Variants in CLIC5 observed in about 807,000 individuals in gnomAD.
CLIC5 encodes CLIC family member 5, also known as chloride intracellular channel protein 5.
Under a neutral mutation model 24.7 loss-of-function variants are expected in CLIC5, and 20 were observed. That is an observed-to-expected ratio of 0.81 (90% CI 0.57 to 1.18). CLIC5 has a LOEUF of 1.18. CLIC5 is among the 50% of genes most tolerant of loss of function. CLIC5 has a pLI of 0.00. For synonymous variants in CLIC5, 159 were observed against 135.6 expected, an observed-to-expected ratio of 1.17 and a Z score of -1.20; for missense variants, 341 against 326.1, an observed-to-expected ratio of 1.05 and a Z score of -0.35.
At chr6:45,944,309 C>T (rs540729390) in intron 3 of CLIC5, among the ~76,000 whole-genome samples, 3 of 151,894 alleles carry the variant, frequency 2.0e-5, no homozygotes, top group Non-Finnish European at 4.4e-5. Flanking sequence ...ATTGAAACAG[C>T]AATGCCCATT....
At chr6:45,945,267 G>T (rs1198747674) in intron 3 of CLIC5, among the ~76,000 whole-genome samples, 1 of 152,156 alleles carries the variant, frequency 6.6e-6, no homozygotes, top group Non-Finnish European at 1.5e-5. Context: ...TATGGTTCTT[G>T]TTTTAAAGAT....
Position 46,079,983 on chromosome 6 carries a change from A to T in CLIC5, c.260T>A (p.Ile87Lys), listed in dbSNP as rs753331056. The change falls in exon 1 of 6, where the codon ATA (isoleucine) becomes AAA (lysine). Residue 87 changes from isoleucine to lysine, a missense_variant. By Grantham distance (102) the Ile-to-Lys change is moderately radical (BLOSUM62 -3). Transcript: ENST00000185206. ...ATGAGCCTCCTGGAGTTCAGAGTATATCTCATCAGGCAGGAGGTAGCCTCT... is the reference window on the plus strand; with the variant it reads ...ATGAGCCTCCTGGAGTTCAGAGTATTTCTCATCAGGCAGGAGGTAGCCTCT... The T allele has an allele frequency of 1.7e-4, 261 of 1,551,532 alleles. No homozygotes were observed. The highest frequency in any genetic ancestry group is 2.2e-4 in the Non-Finnish European group (253 of 1,146,998).
chr6:46,055,527 C>T (rs914123338), intron 1 of CLIC5, among the ~76,000 whole-genome samples: 16 of 152,334 alleles, frequency 1.1e-4, no homozygotes, highest in East Asian at 3.9e-4. Context: ...CGTGAGCCAC[C>T]GCGCCAGGCC....
chr6:45,971,513 T>C (rs1561974087), intron 1 of CLIC5, among the ~76,000 whole-genome samples: 1 of 152,224 alleles, frequency 6.6e-6, no homozygotes, highest in Non-Finnish European at 1.5e-5. Flanking sequence ...CTGCTATTGT[T>C]GGACTATGTT....
the CLIC5 span, among the ~76,000 whole-genome samples, chr6:46,120,724 GAGA>G: frequency 1.3e-5 from 2 of 152,306 alleles, no homozygotes; most frequent in South Asian, 4.1e-4. Flanking sequence ...AACCAATGCA[GAGA>G]AGTCCTTAAA....
upstream of CLIC5, among the ~76,000 whole-genome samples, chr6:46,082,799 A>G (rs1581929141): frequency 6.8e-6 from 1 of 147,332 alleles, no homozygotes; most frequent in Non-Finnish European, 1.5e-5. Context: ...CCCTTACCCT[A>G]CTTTCCCCCC....
rs199809331 is a variant in CLIC5 at position 45,914,360 on chromosome 6, C to G, written c.456G>C (p.Leu152=). ...CAATCTCCTCTGGTAGAGGGGTGTT[C>G]AGGTAGTCATCCAATTTCTTTAGAG... ...TKALKKLDDY[L]NTPLPEEIDA... The change falls in exon 5 of 6, where the codon CTG becomes CTC. Residue 152 remains leucine, a synonymous_variant. Transcript: ENST00000339561. The G allele has an allele frequency of 6.2e-7, 1 of 1,601,610 alleles. No homozygotes were observed. The highest frequency in any genetic ancestry group is 8.5e-7 in the Non-Finnish European group (1 of 1,170,770).
chr6:45,927,498 C>T (rs551797972), intron 4 of CLIC5, among the ~76,000 whole-genome samples: 82 of 152,302 alleles, frequency 5.4e-4, no homozygotes, highest in Non-Finnish European at 7.9e-4. Flanking sequence ...TCTGCCCTCC[C>T]TCTATTTGTC....
chr6:45,981,911 T>C (rs543432148), intron 1 of CLIC5, among the ~76,000 whole-genome samples: 1 of 151,548 alleles, frequency 6.6e-6, no homozygotes, highest in East Asian at 1.9e-4. Flanking sequence ...GGCAGGAGAA[T>C]CTCTTGAACC....
intron 1 of CLIC5, among the ~76,000 whole-genome samples, chr6:46,066,533 A>G (rs960477770): frequency 4.6e-5 from 7 of 152,054 alleles, no homozygotes; most frequent in South Asian, 2.1e-4. Flanking sequence ...AAACTGAACT[A>G]TCCCCCGCCC....
chr6:46,025,887 C>T (rs532805799), intron 1 of CLIC5, among the ~76,000 whole-genome samples: 36 of 152,284 alleles, frequency 2.4e-4, no homozygotes, highest in African/African-American at 8.7e-4. Flanking sequence ...TTCTCTCTCT[C>T]TCCTCCCGCC....
intron 6 of CLIC5, chr6:45,892,110 G>A (rs1403289578): frequency 2.0e-5 from 3 of 152,234 alleles, no homozygotes; most frequent in East Asian, 3.9e-4. Context: ...CCTGACCGAG[G>A]AAGACTATTG....
At chr6:46,120,190 G>T in the CLIC5 span, among the ~76,000 whole-genome samples, 1 of 152,216 alleles carries the variant, frequency 6.6e-6, no homozygotes, top group African/African-American at 2.4e-5. Flanking sequence ...ACCAGTAGGG[G>T]CAGACTGACA....
At chr6:45,964,907 T>C (rs1460869593) in intron 1 of CLIC5, among the ~76,000 whole-genome samples, 7 of 152,220 alleles carry the variant, frequency 4.6e-5, no homozygotes, top group African/African-American at 1.7e-4. Flanking sequence ...AGTTGTATAA[T>C]TGGATGACAA....
intron 5 of CLIC5, chr6:45,912,543 G>C (rs1762858049): frequency 1.4e-6 from 2 of 1,388,894 alleles, no homozygotes; most frequent in Non-Finnish European, 9.4e-7. Flanking sequence ...AAGGCAAGAA[G>C]GAATACAATC....
At chr6:45,971,779 A>G (rs141178125) in intron 1 of CLIC5, among the ~76,000 whole-genome samples, 11 of 152,320 alleles carry the variant, frequency 7.2e-5, no homozygotes, top group African/African-American at 2.6e-4. Flanking sequence ...GACATGTTTT[A>G]TTTATAAAGT....
At chr6:45,956,281 T>C (rs1205688823) in intron 1 of CLIC5, among the ~76,000 whole-genome samples, 2 of 152,160 alleles carry the variant, frequency 1.3e-5, no homozygotes, top group Non-Finnish European at 2.9e-5. Flanking sequence ...GCCCCCAACA[T>C]AATACTTAGA....
intron 4 of CLIC5, among the ~76,000 whole-genome samples, chr6:45,930,678 C>T (rs996209194): frequency 6.6e-6 from 1 of 152,184 alleles, no homozygotes; most frequent in African/African-American, 2.4e-5. Flanking sequence ...AAAGGGTGGA[C>T]ACTAGGTATG....
At chr6:45,962,051 CATATATGTACAT>C (rs1295669607) in intron 1 of CLIC5, among the ~76,000 whole-genome samples, 3 of 114,328 alleles carry the variant, frequency 2.6e-5, no homozygotes, top group African/African-American at 1.0e-4. Context: ...TATACATACA[CATATATGTACAT>C]ACACACACAC....
Sources: gnomAD v4.1 joint callset for allele counts (sites outside exome capture counted in the v4.1 genomes callset) on GRCh38, gnomAD v4.1.1 for gene constraint, MANE v1.5 for transcripts, NCBI Gene and HGNC (gene_info 2026-07-23, HGNC 2026-07-21) for gene names.